Variants in PAFAH1B2 observed in about 807,000 individuals in gnomAD.
PAFAH1B2 encodes platelet-activating factor acetylhydrolase IB subunit alpha2.
Under a neutral mutation model 28.0 loss-of-function variants are expected in PAFAH1B2, and 8 were observed. The observed-to-expected ratio is 0.29, with a 90% CI of 0.17 to 0.52. PAFAH1B2 has a LOEUF of 0.52. Among genes scored for constraint, PAFAH1B2 ranks in the 20% least tolerant of loss-of-function variants. PAFAH1B2 has a pLI of 0.97. For synonymous variants in PAFAH1B2, 104 were observed against 103.2 expected (o/e 1.01, Z -0.05); for missense variants, 190 against 282.6 (o/e 0.67, Z 2.35).
downstream of PAFAH1B2, among the ~76,000 whole-genome samples, chr11:117,177,526 G>T (rs912785643): frequency 6.6e-6 from 1 of 151,856 alleles, no homozygotes; most frequent in Non-Finnish European, 1.5e-5. Context: ...GAATATATAC[G>T]GTTTTATTTA....
downstream of PAFAH1B2, chr11:117,175,234 C>A (rs565410309): frequency 1.1e-5 from 12 of 1,090,074 alleles, no homozygotes; most frequent in African/African-American, 1.9e-4. Flanking sequence ...AGGCCAGGAT[C>A]ACATCCCTGA....
Position 117,169,536 on chromosome 11 carries a change from A to T in PAFAH1B2, c.*1837A>T, listed in dbSNP as rs1446212149. The T allele has an allele frequency of 4.7e-6, 5 of 1,055,632 alleles. No individual in the cohort carries two copies. In the African/African-American group the frequency reaches 8.3e-5, roughly 17 times the overall value. The allele number at this position is 1,055,632 out of a possible 1,614,324, so 65.4% of individuals were successfully genotyped here. ...GCTAAGACCGATTTCTGATTGAGGG[A>T]TGAACCTTGGGCTCATTTTTTTCTT... On this transcript the variant is annotated 3_prime_UTR_variant, in exon 6 of 6. Transcript: ENST00000527958.
chr11:117,145,001 C>T (rs1955964540), intron 1 of PAFAH1B2, among the ~76,000 whole-genome samples: 1 of 152,268 alleles, frequency 6.6e-6, no homozygotes, highest in South Asian at 2.1e-4. Context: ...GAAACTTCTC[C>T]GTTGCCTCTT....
intron 5 of PAFAH1B2, among the ~76,000 whole-genome samples, chr11:117,165,558 G>C (rs1956487300): frequency 1.3e-5 from 2 of 152,182 alleles, no homozygotes; most frequent in Admixed American, 6.5e-5. Context: ...GTCTCAAGGA[G>C]CTCACAGTCT....
intron 2 of PAFAH1B2, among the ~76,000 whole-genome samples, chr11:117,157,822 A>G (rs867886619): frequency 7.9e-5 from 12 of 152,150 alleles, no homozygotes; most frequent in African/African-American, 2.7e-4. Context: ...CACTGTATAA[A>G]TTTGTTTAAG....
intron 1 of PAFAH1B2, among the ~76,000 whole-genome samples, chr11:117,145,535 T>C (rs984993172): frequency 6.6e-6 from 1 of 152,236 alleles, no homozygotes; most frequent in East Asian, 1.9e-4. Context: ...TTTGGCTTCT[T>C]CTGGGCACAT....
downstream of PAFAH1B2, among the ~76,000 whole-genome samples, chr11:117,173,640 T>C (rs1244423465): frequency 6.6e-6 from 1 of 152,248 alleles, no homozygotes; most frequent in East Asian, 1.9e-4. Flanking sequence ...GTAGAACTTT[T>C]TGACATCAAA....
At chr11:117,162,580 C>T (rs1007555970) in intron 4 of PAFAH1B2, among the ~76,000 whole-genome samples, 1 of 145,874 alleles carries the variant, frequency 6.9e-6, no homozygotes, top group African/African-American at 2.6e-5. Context: ...CCCTGGCCAG[C>T]ATGGTGAAAC....
At chr11:117,175,053 A>C, downstream of PAFAH1B2, 1 of 1,320,158 alleles carries the variant, frequency 7.6e-7, no homozygotes, top group Non-Finnish European at 9.7e-7. Context: ...CTGTGTGTTG[A>C]ATGGTCCCAT....
In PAFAH1B2 at chr11:117,168,252, T is replaced by C. The variant is rs76825633; in HGVS notation, c.*553T>C. On this transcript the variant is annotated 3_prime_UTR_variant, in exon 6 of 6. Coordinates refer to ENST00000527958, the MANE Select transcript of PAFAH1B2 (RefSeq NM_002572.4). ...ATATGGAAGATGCTATAGTTAGAAG[T>C]GAATTTGTTCTGCTTTCTTAATCTT... 7.7e-3 allele frequency: 8,156 copies of C among 1,062,478 alleles called. 447 individuals carry two copies. The African/African-American group carries it at 0.12, about 16-fold the overall frequency. 65.8% of individuals were successfully genotyped at this position (1,062,478 alleles called of 1,614,324 possible). A position where few individuals can be genotyped will look rare whatever the true frequency, so the allele number is the denominator to read the frequency against.
At chr11:117,155,818 T>TC (rs1956243624) in intron 2 of PAFAH1B2, among the ~76,000 whole-genome samples, 1 of 151,640 alleles carries the variant, frequency 6.6e-6, no homozygotes, top group African/African-American at 2.4e-5. Flanking sequence ...GCACAGGAGT[T>TC]CAAGACCAGC....
intron 5 of PAFAH1B2, among the ~76,000 whole-genome samples, chr11:117,164,381 T>C (rs1271014633): frequency 6.8e-6 from 1 of 147,324 alleles, no homozygotes; most frequent in African/African-American, 2.5e-5. Context: ...CACTCCAGCC[T>C]GGGTGACAGA....
chr11:117,145,000 C>G (rs779279505), intron 1 of PAFAH1B2, among the ~76,000 whole-genome samples: 9 of 152,230 alleles, frequency 5.9e-5, no homozygotes, highest in Non-Finnish European at 1.2e-4. Context: ...AGAAACTTCT[C>G]CGTTGCCTCT....
Position 117,144,337 on chromosome 11 carries a change from G to A in PAFAH1B2, c.-89G>A. 3 of 416,024 alleles carry A rather than the reference G, an allele frequency of 7.2e-6. No homozygotes were observed. Among genetic ancestry groups the A allele is most frequent in the South Asian group, 1.6e-5 (1 of 60,970 alleles). The allele number at this position is 416,024 out of a possible 1,614,324, so 25.8% of individuals were successfully genotyped here. A position where few individuals can be genotyped will look rare whatever the true frequency, so the allele number is the denominator to read the frequency against. On this transcript the variant is annotated 5_prime_UTR_variant, in exon 1 of 6. Transcript: ENST00000527958. ...CCGGAGGAGGGACGCGCCGGAGCGG[G>A]ACCGACGGGACCGAGCGAGCGACCG...
chr11:117,174,164 T>TTGTGTGTGTGTGTGTGTGTGTG (rs55735449), downstream of PAFAH1B2, among the ~76,000 whole-genome samples: 20 of 138,920 alleles, frequency 1.4e-4, no homozygotes, highest in East Asian at 2.2e-4. Context: ...TTCATGTCTT[T>TTGTGTGTGTGTGTGTGTGTGTG]TGTGTGTGTG....
At chr11:117,163,329 G>A (rs1956418739) in intron 4 of PAFAH1B2, among the ~76,000 whole-genome samples, 1 of 152,116 alleles carries the variant, frequency 6.6e-6, no homozygotes, top group Non-Finnish European at 1.5e-5. Context: ...CCCAGTTGAA[G>A]TTAGCCAACA....
Position 117,167,671 on chromosome 11 carries a change from C to G in PAFAH1B2, c.662C>G (p.Pro221Arg), listed in dbSNP as rs773238198. ...ATCATGCAGTTGTTGGAGGAAACAC[C>G]TGAGGAGAAACAAACCACCATTGCC... is the stretch of plus-strand genomic sequence containing the variant. ...ELIMQLLEETPEEKQTTIA is the reference protein window; with the variant it reads ...ELIMQLLEETREEKQTTIA The change falls in exon 6 of 6, where the codon CCT becomes CGT. Residue 221 changes from proline (P) to arginine (R), a missense_variant. Pro to Arg is a moderately radical substitution (Grantham distance 103, BLOSUM62 -2). Coordinates refer to ENST00000527958, the MANE Select transcript of PAFAH1B2 (RefSeq NM_002572.4). 6.4e-7 allele frequency: 1 copy of G among 1,565,130 alleles called. No individual in the cohort carries two copies. Among genetic ancestry groups the G allele is most frequent in the Non-Finnish European group, 8.7e-7 (1 of 1,148,172 alleles).
At chr11:117,146,086 T>C (rs1955997589) in intron 1 of PAFAH1B2, among the ~76,000 whole-genome samples, 1 of 151,704 alleles carries the variant, frequency 6.6e-6, no homozygotes, top group South Asian at 2.1e-4. Context: ...TTCAGACCTT[T>C]TATTTGCATT....
chr11:117,164,654 C>G (rs994892029), intron 5 of PAFAH1B2, among the ~76,000 whole-genome samples: 1 of 152,134 alleles, frequency 6.6e-6, no homozygotes, highest in East Asian at 1.9e-4. Flanking sequence ...TAGTTGTACC[C>G]TGAACAGAAA....
Sources: gnomAD v4.1 joint callset for allele counts (sites outside exome capture counted in the v4.1 genomes callset) on GRCh38, gnomAD v4.1.1 for gene constraint, MANE v1.5 for transcripts, NCBI Gene and HGNC (gene_info 2026-07-23, HGNC 2026-07-21) for gene names.